SNAPIN: variants seen among roughly 807,000 people sequenced by gnomAD.
The protein encoded by SNAPIN is SNARE-associated protein Snapin.
SNAPIN carries 16 observed loss-of-function variants against 15.9 expected under a neutral mutation model. That is an observed-to-expected ratio of 1.01 (90% CI 0.68 to 1.53). The LOEUF (loss-of-function observed/expected upper bound fraction) is 1.53. Among genes scored for constraint, SNAPIN ranks in the 40% most tolerant of loss-of-function variants. The probability of loss-of-function intolerance (pLI) is 0.00; values close to 1 mark genes in which losing one functional copy is unlikely to be tolerated. For missense variants in SNAPIN, 186 were observed against 180.1 expected, an observed-to-expected ratio of 1.03 and a Z score of -0.19; for synonymous variants, 83 against 76.2, an observed-to-expected ratio of 1.09 and a Z score of -0.46.
Position 153,659,345 on chromosome 1 carries a change from G to A in SNAPIN, c.191-103G>A, listed in dbSNP as rs1219744792. The stretch of plus-strand genomic sequence containing the variant: ...ATGTCTTAAATCTCTAATGGCTGTG[G>A]CCCGTTTGGGTGCAAGTGTTTTCCA... On this transcript the variant is annotated intron_variant, in intron 2 of 3. Transcript: ENST00000368685. The A allele has an allele frequency of 1.6e-5, 20 of 1,232,884 alleles. No homozygotes were observed. In the East Asian group the frequency reaches 4.4e-4, roughly 27 times the overall value. 76.4% of individuals were successfully genotyped at this position (1,232,884 alleles called of 1,614,324 possible).
At position 153,661,300 on chromosome 1, in the gene SNAPIN, A is replaced by G; in HGVS notation, c.410A>G (p.Ter137=). 3.1e-6 allele frequency: 5 copies of G among 1,610,778 alleles called. No homozygotes were observed. Among genetic ancestry groups the G allele is most frequent in the Non-Finnish European group, 4.2e-6 (5 of 1,177,240 alleles). The change falls in exon 4 of 4, where the codon TAA becomes TGA. Residue 137 remains the stop codon, a stop_retained_variant. Transcript: ENST00000368685. ...GIYPPGSPGK[*] ...TACCCCCCTGGCTCCCCAGGCAAAT[A>G]ACAGATGAGCCTATGGACTCAGTAG...
chr1:153,659,595 C>A, intron 3 of SNAPIN, 29 bp downstream of exon 3: 1 of 1,512,916 alleles, frequency 6.6e-7, no homozygotes, highest in South Asian at 1.1e-5. Context: ...AACAGTGATT[C>A]TTTGCCCTTT....
At chr1:153,660,367 G>A (rs528592615) in intron 3 of SNAPIN, among the ~76,000 whole-genome samples, 32 of 148,414 alleles carry the variant, frequency 2.2e-4, no homozygotes, top group Admixed American at 1.7e-3. Flanking sequence ...AGACAGGATC[G>A]GCTGGGCGCG....
At position 153,659,681 on chromosome 1, in the gene SNAPIN, G is replaced by A. The variant is rs1350182532; in HGVS notation, c.309+115G>A. On this transcript the variant is annotated intron_variant, in intron 3 of 3. Transcript: ENST00000368685. ...GGGAAAGGGAAATTCACTTCTCCCA[G>A]TACTTGAAAAATACCTAGGAAAATT... The A allele has an allele frequency of 2.7e-5, 20 of 750,112 alleles. No individual in the cohort carries two copies. The East Asian group carries it at 2.7e-4, about 10-fold the overall frequency. 46.5% of individuals were successfully genotyped at this position (750,112 alleles called of 1,614,324 possible). A position where few individuals can be genotyped will look rare whatever the true frequency, so the allele number is the denominator to read the frequency against.
In SNAPIN at chr1:153,661,419, CGTACAGTTTGTTT is replaced by C; in HGVS notation, c.*120_*132del. 2.6e-6 allele frequency: 2 copies of C among 778,290 alleles called. No individual in the cohort carries two copies. The highest frequency in any genetic ancestry group is 1.8e-5 in the South Asian group (1 of 56,866). The allele number at this position is 778,290 out of a possible 1,614,324, so 48.2% of individuals were successfully genotyped here. ...GACCTTCAGACATTAAAAAGGGAGC[CGTACAGTTTGTTT>C]GAAGCACTTCGTCTTACCCATTTAT... On this transcript the variant is annotated 3_prime_UTR_variant, in exon 4 of 4. Coordinates refer to ENST00000368685, the MANE Select transcript of SNAPIN (RefSeq NM_012437.6).
At chr1:153,658,914 G>T (rs1476085553) in intron 1 of SNAPIN, 28 bp downstream of exon 1, 1 of 1,608,488 alleles carries the variant, frequency 6.2e-7, no homozygotes, top group Admixed American at 1.7e-5. Context: ...TGGGGGCGGG[G>T]CCTGTCTCTC....
At chr1:153,660,099 T>A (rs1669108986) in intron 3 of SNAPIN, among the ~76,000 whole-genome samples, 2 of 152,130 alleles carry the variant, frequency 1.3e-5, no homozygotes, top group African/African-American at 4.8e-5. Flanking sequence ...AAAGGCTCAC[T>A]GCAGCCTCTA....
chr1:153,660,602 C>T (rs904336477), intron 3 of SNAPIN, among the ~76,000 whole-genome samples: 1 of 147,560 alleles, frequency 6.8e-6, no homozygotes, highest in Non-Finnish European at 1.5e-5. Flanking sequence ...GAGCTGAGAT[C>T]GCACCATTGC....
chr1:153,659,184 G>A lies in SNAPIN; in HGVS notation c.190G>A (p.Glu64Lys). The A allele has an allele frequency of 1.2e-6, 2 of 1,614,090 alleles. No homozygotes were observed. The highest frequency in any genetic ancestry group is 1.7e-6 in the Non-Finnish European group (2 of 1,179,982). ...LREQIDNLAT[E>K]LCRINEDQKV... ...GGAACAAATTGACAACCTAGCCACAGGTGAGTGAGCATCCCTGTGTACCCG... is the reference window on the plus strand; with the variant it reads ...GGAACAAATTGACAACCTAGCCACAAGTGAGTGAGCATCCCTGTGTACCCG... Residue 64 changes from glutamate to lysine, a missense_variant and splice_region_variant, in exon 2 of 4, where the codon GAA (glutamate) becomes AAA (lysine). Transcript: ENST00000368685.
intron 1 of SNAPIN, 27 bp from the exon 2 acceptor site, chr1:153,659,111 C>G (rs781760369): frequency 2.7e-5 from 43 of 1,613,280 alleles, no homozygotes; most frequent in Non-Finnish European, 3.6e-5. Flanking sequence ...AACTGCCTGA[C>G]CTTGTAGGCC....
chr1:153,658,776 G>T lies in SNAPIN; in HGVS notation c.33G>T (p.Gly11=). The change falls in exon 1 of 4, where the codon GGG becomes GGT. Residue 11 remains glycine (G), a synonymous_variant. Transcript: ENST00000368685. MAGAGSAAVS[G]AGTPVAGPTG... ...GGGCTGGTTCCGCCGCTGTATCGGGGGCAGGGACCCCGGTGGCGGGGCCCA... is the reference window on the plus strand; with the variant it reads ...GGGCTGGTTCCGCCGCTGTATCGGGTGCAGGGACCCCGGTGGCGGGGCCCA... 6.3e-7 allele frequency: 1 copy of T among 1,581,276 alleles called. No homozygotes were observed. The highest frequency in any genetic ancestry group is 1.1e-5 in the South Asian group (1 of 87,376).
Position 153,661,191 on chromosome 1 carries a change from G to T in SNAPIN, c.310-9G>T, listed in dbSNP as rs760335364. 1 of 1,612,054 alleles carries T rather than the reference G, an allele frequency of 6.2e-7. No individual in the cohort carries two copies. The highest frequency in any genetic ancestry group is 2.2e-5 in the East Asian group (1 of 44,816). On this transcript the variant is annotated splice_polypyrimidine_tract_variant and intron_variant, in intron 3 of 3. Coordinates refer to ENST00000368685, the MANE Select transcript of SNAPIN (RefSeq NM_012437.6). ...GTGGTTAAGATTCCAAACCTTCCTT[G>T]TCTTGTAGGAACGACTGAGACGGCT...
Position 153,661,228 on chromosome 1 carries a change from T to TG in SNAPIN, c.338_339insG (p.Ala114CysfsTer50). On this transcript the variant is annotated frameshift_variant, in exon 4 of 4. Transcript: ENST00000368685. LOFTEE classifies it high-confidence loss of function. ...CGACTGAGACGGCTAAACCACAGTG[T>TG]TGCCAAGGAAACAGCCCGCAGGAGA... The TG allele has an allele frequency of 6.2e-7, 1 of 1,613,792 alleles. No homozygotes were observed. The highest frequency in any genetic ancestry group is 8.5e-7 in the Non-Finnish European group (1 of 1,179,804).
intron 1 of SNAPIN, 72 bp from the exon 2 acceptor site, chr1:153,659,066 A>G: frequency 1.3e-6 from 2 of 1,579,094 alleles, no homozygotes; most frequent in Non-Finnish European, 8.7e-7. Context: ...AGTACTTGGT[A>G]AATACGTAGG....
intron 2 of SNAPIN, 34 bp from the exon 3 acceptor site, chr1:153,659,413 GT>G: frequency 6.5e-7 from 1 of 1,540,344 alleles, no homozygotes; most frequent in Non-Finnish European, 9.0e-7. Context: ...GAGATAAGCC[GT>G]TAGATCTTAG....
intron 2 of SNAPIN, 56 bp downstream of exon 2, chr1:153,659,240 G>T: frequency 6.3e-7 from 1 of 1,585,842 alleles, no homozygotes; most frequent in Non-Finnish European, 8.7e-7. Context: ...AGGACCTTAG[G>T]TTTTTGCCAA....
At position 153,658,778 on chromosome 1, in the gene SNAPIN, C is replaced by T. The variant is rs11556418; in HGVS notation, c.35C>T (p.Ala12Val). 1 of 1,581,422 alleles carries T rather than the reference C, an allele frequency of 6.3e-7. No individual in the cohort carries two copies. Among genetic ancestry groups the T allele is most frequent in the Non-Finnish European group, 8.5e-7 (1 of 1,170,204 alleles). Residue 12 changes from alanine (A) to valine (V), a missense_variant, in exon 1 of 4, where the codon GCA becomes GTA. Ala to Val is a moderately conservative substitution (Grantham distance 64). Transcript: ENST00000368685. ...AGAGSAAVSG[A>V]GTPVAGPTGR... ...GCTGGTTCCGCCGCTGTATCGGGGG[C>T]AGGGACCCCGGTGGCGGGGCCCACA...
At chr1:153,660,887 C>T (rs1345021255) in intron 3 of SNAPIN, among the ~76,000 whole-genome samples, 2 of 151,238 alleles carry the variant, frequency 1.3e-5, no homozygotes, top group Admixed American at 1.3e-4. Context: ...CGGTTTCAAG[C>T]GATTCTCCTG....
In SNAPIN at chr1:153,661,495, G is replaced by A; in HGVS notation, c.*194G>A. On this transcript the variant is annotated 3_prime_UTR_variant, in exon 4 of 4. Transcript: ENST00000368685. ...GGAAACCTACACACAGCCAGAATGA[G>A]GTTCCCAAAGGACTTACATTAATTA... The A allele has an allele frequency of 2.4e-6, 1 of 412,842 alleles. No individual in the cohort carries two copies. The highest frequency in any genetic ancestry group is 4.5e-6 in the Non-Finnish European group (1 of 222,320). The allele number at this position is 412,842 out of a possible 1,614,324, so 25.6% of individuals were successfully genotyped here. A position where few individuals can be genotyped will look rare whatever the true frequency, so the allele number is the denominator to read the frequency against.
Sources: allele counts gnomAD v4.1 joint callset (sites outside exome capture counted in the v4.1 genomes callset), GRCh38; gene constraint gnomAD v4.1.1; transcripts MANE v1.5; gene names NCBI Gene and HGNC (gene_info 2026-07-23, HGNC 2026-07-21).